The following ARID2 variants were observed in gnomAD, a reference collection of about 807,000 sequenced individuals.
ARID2 encodes AT-rich interaction domain 2.
ARID2 carries 32 observed loss-of-function variants against 184.6 expected under a neutral mutation model. The observed-to-expected ratio is 0.17, with a 90% confidence interval of 0.13 to 0.23. The LOEUF is 0.23. Among genes scored for constraint, ARID2 ranks in the 10% least tolerant of loss-of-function variants. The pLI is 1.00. For synonymous variants in ARID2, 836 were observed against 772.6 expected (o/e 1.08, Z -1.36); for missense variants, 1,696 against 2,197.6 (o/e 0.77, Z 4.56).
chr12:45,730,272 T>G (rs1940955266), intron 2 of ARID2, 135 bp downstream of exon 2: 3 of 735,938 alleles, frequency 4.1e-6, no homozygotes, highest in Non-Finnish European at 6.0e-6. Flanking sequence ...TCCCAGCCGG[T>G]GGCACGGAGG....
chr12:45,904,014 A>AT (rs1364453326), intron 20 of ARID2, among the ~76,000 whole-genome samples: 1 of 151,888 alleles, frequency 6.6e-6, no homozygotes, highest in Non-Finnish European at 1.5e-5. Context: ...GTTCTGGGTG[A>AT]TTTTTACCAT....
At chr12:45,736,025 A>G (rs773388332) in intron 3 of ARID2, among the ~76,000 whole-genome samples, 2 of 152,180 alleles carry the variant, frequency 1.3e-5, no homozygotes, top group Admixed American at 1.3e-4. Flanking sequence ...CAGTATTTTC[A>G]TAGTTGATCG....
intron 16 of ARID2, among the ~76,000 whole-genome samples, chr12:45,884,347 G>T (rs1313124449): frequency 2.0e-5 from 3 of 152,150 alleles, no homozygotes; most frequent in Non-Finnish European, 4.4e-5. Flanking sequence ...AGTGAGCAGA[G>T]ATCATGCCAG....
At chr12:45,893,023 A>C (rs909383069) in intron 18 of ARID2, among the ~76,000 whole-genome samples, 2 of 152,194 alleles carry the variant, frequency 1.3e-5, no homozygotes, top group African/African-American at 4.8e-5. Context: ...GGTACCATTT[A>C]GAAATAATTT....
At chr12:45,766,041 A>C (rs992720653) in intron 3 of ARID2, among the ~76,000 whole-genome samples, 2 of 152,202 alleles carry the variant, frequency 1.3e-5, no homozygotes, top group Non-Finnish European at 2.9e-5. Flanking sequence ...GTATTGATAC[A>C]CCATAATTTG....
chr12:45,868,762 T>C (rs939238440), intron 16 of ARID2, among the ~76,000 whole-genome samples: 8 of 152,238 alleles, frequency 5.3e-5, no homozygotes, highest in Non-Finnish European at 7.3e-5. Context: ...CATATACTAA[T>C]CCTATAAATG....
intron 10 of ARID2, among the ~76,000 whole-genome samples, 158 bp from the exon 11 acceptor site, chr12:45,839,171 C>T (rs1555152614): frequency 1.3e-5 from 2 of 150,882 alleles, no homozygotes; most frequent in Non-Finnish European, 3.0e-5. Context: ...GCCTAAAAAT[C>T]TTTTTTTTTA....
At chr12:45,842,372 T>C (rs777150325) in intron 11 of ARID2, 1 of 150,086 alleles carries the variant, frequency 6.7e-6, no homozygotes, top group Non-Finnish European at 1.5e-5. Context: ...TACACACACA[T>C]ATATAAAACA....
chr12:45,858,885 G>C (rs541460352), intron 15 of ARID2, among the ~76,000 whole-genome samples: 1 of 152,144 alleles, frequency 6.6e-6, no homozygotes, highest in Non-Finnish European at 1.5e-5. Flanking sequence ...TTAAGAGTGG[G>C]AACCTATTAT....
rs199754253 is a variant in ARID2, at chr12:45,849,565, G to A, written c.1716-15G>A. On this transcript the variant is annotated splice_polypyrimidine_tract_variant and intron_variant, in intron 13 of 20. Transcript: ENST00000334344. ...ATAGTTATCAAAACTTACTGATTATGTATGTACTTTACAGAACGGTCTTTC... is the reference window on the plus strand; with the variant it reads ...ATAGTTATCAAAACTTACTGATTATATATGTACTTTACAGAACGGTCTTTC... 85 of 1,600,712 alleles carry A rather than the reference G, an allele frequency of 5.3e-5. No individual in the cohort carries two copies. The highest frequency in any genetic ancestry group is 1.7e-4 in the Middle Eastern group (1 of 6,016).
intron 3 of ARID2, among the ~76,000 whole-genome samples, chr12:45,745,285 C>T (rs966189540): frequency 6.6e-6 from 1 of 152,018 alleles, no homozygotes; most frequent in South Asian, 2.1e-4. Context: ...TTTGTAGTAT[C>T]GTCAGTCTTA....
chr12:45,802,088 A>C (rs1942515204), intron 3 of ARID2, among the ~76,000 whole-genome samples: 1 of 127,556 alleles, frequency 7.8e-6, no homozygotes. Context: ...CCCCGAGACG[A>C]CAGGGTCTCT....
rs1944524719 is a variant in ARID2 at position 45,905,977 on chromosome 12, T to C, written c.*899T>C. ...CTTTTTTTTTTTGTATTATACACCTTGTAGAACTCATTTTGCTGGCTGAAA... is the reference window on the plus strand; with the variant it reads ...CTTTTTTTTTTTGTATTATACACCTCGTAGAACTCATTTTGCTGGCTGAAA... On this transcript the variant is annotated 3_prime_UTR_variant, in exon 21 of 21. Coordinates refer to ENST00000334344, the MANE Select transcript of ARID2 (RefSeq NM_152641.4). The C allele has an allele frequency of 4.3e-6, 1 of 231,370 alleles. No individual in the cohort carries two copies. Among genetic ancestry groups the C allele is most frequent in the Non-Finnish European group, 8.5e-6 (1 of 117,484 alleles). The allele number at this position is 231,370 out of a possible 1,614,324, so 14.3% of individuals were successfully genotyped here. A position where few individuals can be genotyped will look rare whatever the true frequency, so the allele number is the denominator to read the frequency against.
chr12:45,750,977 C>T (rs1000334361), intron 3 of ARID2, among the ~76,000 whole-genome samples: 2 of 152,126 alleles, frequency 1.3e-5, no homozygotes, highest in Non-Finnish European at 2.9e-5. Context: ...GCTCTTTATT[C>T]ATTAATTTAA....
intron 3 of ARID2, among the ~76,000 whole-genome samples, chr12:45,765,381 G>A (rs1592062324): frequency 6.6e-6 from 1 of 152,014 alleles, no homozygotes; most frequent in Admixed American, 6.6e-5. Flanking sequence ...TAATTAAAAA[G>A]TAAACTATTT....
intron 2 of ARID2, 53 bp downstream of exon 2, chr12:45,730,190 T>C (rs2137960177): frequency 1.3e-6 from 2 of 1,585,944 alleles, no homozygotes; most frequent in Admixed American, 3.4e-5. Flanking sequence ...CTCCAAAAAG[T>C]CTCCTTTGAC....
intron 3 of ARID2, among the ~76,000 whole-genome samples, chr12:45,772,878 T>C (rs1941902607): frequency 2.0e-5 from 3 of 152,138 alleles, no homozygotes; most frequent in Admixed American, 2.0e-4. Flanking sequence ...ATATAAGACT[T>C]GAACAGCATT....
chr12:45,862,357 G>GTCA (rs1271586068), intron 16 of ARID2, among the ~76,000 whole-genome samples: 1 of 152,038 alleles, frequency 6.6e-6, no homozygotes, highest in Non-Finnish European at 1.5e-5. Flanking sequence ...ATTCATTGAA[G>GTCA]GATTATTTCC....
chr12:45,901,125 G>C (rs247929), intron 20 of ARID2, among the ~76,000 whole-genome samples: 66,384 of 118,450 alleles, frequency 0.56, 16,034 homozygotes, highest in Admixed American at 0.62. Context: ...TTTTCTCTCT[G>C]TTTAATCTAT....
Sources: allele counts gnomAD v4.1 joint callset (sites outside exome capture counted in the v4.1 genomes callset), GRCh38; gene constraint gnomAD v4.1.1; transcripts MANE v1.5; gene names NCBI Gene and HGNC (gene_info 2026-07-23, HGNC 2026-07-21).